The following MLLT3 variants were observed in gnomAD, a reference collection of about 807,000 sequenced individuals.
The protein encoded by MLLT3 is protein AF-9.
Under a neutral mutation model 53.2 loss-of-function variants are expected in MLLT3, and 4 were observed. The ratio of observed to expected loss-of-function variants is 0.08; its 90% CI spans 0.04 to 0.17. The LOEUF (loss-of-function observed/expected upper bound fraction) is 0.17, where lower values mean the gene tolerates loss of function less well. Ranked by LOEUF, MLLT3 falls within the 10% of genes least tolerant of loss-of-function variation. The pLI, the probability that MLLT3 is intolerant of heterozygous loss-of-function variation, is 1.00. For missense variants in MLLT3, 569 were observed against 684.0 expected, an observed-to-expected ratio of 0.83 and a Z score of 1.87; for synonymous variants, 283 against 230.6, an observed-to-expected ratio of 1.23 and a Z score of -2.06.
Position 20,434,238 on chromosome 9 carries a change from T to C in MLLT3, c.420+13885A>G, listed in dbSNP as rs184938780. Among the ~76,000 whole-genome samples the C allele has an allele frequency of 4.4e-3, 666 of 152,208 alleles. 3 individuals are homozygous for C. Among genetic ancestry groups the C allele is most frequent in the Admixed American group, 7.8e-3 (120 of 15,296 alleles). On this transcript the variant is annotated intron_variant, in intron 4 of 10. Coordinates refer to ENST00000380338, the MANE Select transcript of MLLT3 (RefSeq NM_004529.4). ...CAGTGCTAATTCCTGACTTGGATGG[T>C]TGTACTGTAGTTATATAAGAGAATG...
chr9:20,413,048 T>G (rs1222361230), intron 5 of MLLT3, among the ~76,000 whole-genome samples: 1 of 152,166 alleles, frequency 6.6e-6, no homozygotes, highest in African/African-American at 2.4e-5. Flanking sequence ...AGCAAAAACT[T>G]GTAGTGAATG....
chr9:20,483,154 T>G (rs76908115), intron 2 of MLLT3, among the ~76,000 whole-genome samples: 1 of 152,252 alleles, frequency 6.6e-6, no homozygotes, highest in East Asian at 1.9e-4. Context: ...CCACACCCAG[T>G]AATCCATATT....
At chr9:20,381,485 T>C (rs1028138603) in intron 5 of MLLT3, among the ~76,000 whole-genome samples, 1 of 151,964 alleles carries the variant, frequency 6.6e-6, no homozygotes, top group Admixed American at 6.6e-5. Flanking sequence ...AAATGCTGTG[T>C]TCTTTAAATT....
chr9:20,550,355 G>T (rs1296818963), intron 2 of MLLT3, among the ~76,000 whole-genome samples: 1 of 152,132 alleles, frequency 6.6e-6, no homozygotes, highest in Non-Finnish European at 1.5e-5. Flanking sequence ...CCACCCTATT[G>T]TTCTTATTGT....
intron 5 of MLLT3, chr9:20,411,899 G>C (rs1307808483): frequency 6.6e-6 from 1 of 151,948 alleles, no homozygotes; most frequent in Non-Finnish European, 1.5e-5. Flanking sequence ...CTCATAAATC[G>C]GCAAACATTC....
At position 20,620,648 on chromosome 9, in the gene MLLT3, C is replaced by CCCTACCTCTTTTTGG; in HGVS notation, c.184_193+5dup. The CCCTACCTCTTTTTGG allele has an allele frequency of 6.2e-7, 1 of 1,612,656 alleles. No homozygotes were observed. Among genetic ancestry groups the CCCTACCTCTTTTTGG allele is most frequent in the Non-Finnish European group, 8.5e-7 (1 of 1,179,142 alleles). On this transcript the variant is annotated splice_donor_region_variant and intron_variant, in intron 2 of 10. Transcript: ENST00000380338. This position sits in a 1 kb window ranked among gnomAD's most constrained non-coding sequence, Gnocchi z 6.1. Reference sequence around the variant, plus strand: ...TTATCAAGACCCTTTTGTATTCGAGCCCTACCTCTTTTTGGCCTAGGAAAG... The same window carrying CCCTACCTCTTTTTGG: ...TTATCAAGACCCTTTTGTATTCGAGCCCTACCTCTTTTTGGCCTACCTCTTTTTGGCCTAGGAAAG...
At chr9:20,531,767 T>A (rs911232946) in intron 2 of MLLT3, among the ~76,000 whole-genome samples, 11 of 152,168 alleles carry the variant, frequency 7.2e-5, no homozygotes, top group South Asian at 2.1e-4. Context: ...GTAATTTTTT[T>A]AAAATATTTT....
intron 2 of MLLT3, among the ~76,000 whole-genome samples, chr9:20,585,626 T>C (rs192679079): frequency 3.2e-4 from 48 of 152,344 alleles, no homozygotes; most frequent in Admixed American, 1.6e-3. Flanking sequence ...AGTGGTATCA[T>C]TGTTTTTGTT....
At chr9:20,579,425 T>C (rs1372475684) in intron 2 of MLLT3, among the ~76,000 whole-genome samples, 3 of 151,518 alleles carry the variant, frequency 2.0e-5, no homozygotes, top group Non-Finnish European at 4.4e-5. Flanking sequence ...ATTATATATA[T>C]ACAAAAGAAC....
rs1415084296 is a variant in MLLT3 at position 20,401,260 on chromosome 9, CAGTA to C, written c.1125+12457_1125+12460del. Among the ~76,000 whole-genome samples the C allele has an allele frequency of 6.6e-5, 10 of 152,150 alleles. No individual in the cohort carries two copies. The East Asian group carries it at 1.4e-3, about 21-fold the overall frequency. ...CCAGTGCCCAATAACCCATAATAGA[CAGTA>C]AGTATTTTTTGAAAAAATATGTTAA... On this transcript the variant is annotated intron_variant, in intron 5 of 10. Transcript: ENST00000380338.
intron 2 of MLLT3, among the ~76,000 whole-genome samples, chr9:20,528,463 G>GT (rs1281453682): frequency 6.6e-6 from 1 of 152,204 alleles, no homozygotes; most frequent in Admixed American, 6.5e-5. Context: ...TAACAGAAAC[G>GT]TATTTCCCCA....
intron 2 of MLLT3, among the ~76,000 whole-genome samples, chr9:20,588,911 C>T (rs1820051630): frequency 6.6e-6 from 1 of 151,432 alleles, no homozygotes; most frequent in Non-Finnish European, 1.5e-5. Context: ...GTTAGAATGG[C>T]AATCATTAAA....
intron 2 of MLLT3, among the ~76,000 whole-genome samples, chr9:20,504,096 T>C (rs1314323292): frequency 1.3e-5 from 2 of 152,172 alleles, no homozygotes; most frequent in Non-Finnish European, 2.9e-5. Context: ...ATCCACTGTA[T>C]ACTGTTGGTG....
intron 2 of MLLT3, among the ~76,000 whole-genome samples, chr9:20,507,457 G>A (rs7874909): frequency 0.7 from 105,962 of 151,976 alleles, 37,355 homozygotes; most frequent in East Asian, 0.81. Context: ...CTACAAAAAC[G>A]TATTCATAAA....
intron 2 of MLLT3, among the ~76,000 whole-genome samples, chr9:20,603,875 C>T (rs1436856504): frequency 6.6e-6 from 1 of 152,056 alleles, no homozygotes; most frequent in East Asian, 1.9e-4. Context: ...CTTTAAAATA[C>T]TGAAATTTAT....
intron 2 of MLLT3, among the ~76,000 whole-genome samples, chr9:20,521,228 A>T (rs1818049582): frequency 1.3e-5 from 2 of 152,034 alleles, no homozygotes; most frequent in African/African-American, 4.8e-5. Flanking sequence ...GCACCATCGC[A>T]TCCGGCTACT....
chr9:20,592,343 T>G (rs1820150319), intron 2 of MLLT3, among the ~76,000 whole-genome samples: 1 of 152,150 alleles, frequency 6.6e-6, no homozygotes, highest in East Asian at 1.9e-4. Context: ...CAACAGGAAT[T>G]TATTTACAGC....
intron 2 of MLLT3, among the ~76,000 whole-genome samples, chr9:20,614,823 A>T (rs1312747805): frequency 1.4e-5 from 2 of 147,974 alleles, no homozygotes; most frequent in Non-Finnish European, 3.0e-5. Context: ...TACCTGTAAT[A>T]AATGACTAGA....
At chr9:20,507,657 C>T (rs1402801351) in intron 2 of MLLT3, among the ~76,000 whole-genome samples, 1 of 148,776 alleles carries the variant, frequency 6.7e-6, no homozygotes, top group Non-Finnish European at 1.5e-5. Context: ...CAAGAATTTG[C>T]TTATTAACTT....
Sources: gnomAD v4.1 joint callset for allele counts (sites outside exome capture counted in the v4.1 genomes callset) on GRCh38, gnomAD v4.1.1 for gene constraint, Gnocchi (gnomAD v3.1) non-coding constraint, MANE v1.5 for transcripts, NCBI Gene and HGNC (gene_info 2026-07-23, HGNC 2026-07-21) for gene names.